The following CEP350 variants were observed in gnomAD, a reference collection of about 807,000 sequenced individuals.
CEP350 encodes centrosome-associated protein 350.
In CEP350, 126 loss-of-function variants were observed where a neutral mutation model predicts 331.8. That is an observed-to-expected ratio of 0.38 (90% CI 0.33 to 0.44). The LOEUF (loss-of-function observed/expected upper bound fraction) is 0.44, where lower values mean the gene tolerates loss of function less well. CEP350 is among the 20% of genes least tolerant of loss of function. The probability of loss-of-function intolerance (pLI) is 1.00; values close to 1 mark genes in which losing one functional copy is unlikely to be tolerated. For missense variants in CEP350, 3,406 were observed against 3,634.6 expected (o/e 0.94, Z 1.62); for synonymous variants, 1,200 against 1,259.5 (o/e 0.95, Z 1.00).
intron 37 of CEP350, among the ~76,000 whole-genome samples, chr1:180,101,326 C>A (rs1485040691): frequency 6.6e-6 from 1 of 151,832 alleles, no homozygotes; most frequent in Non-Finnish European, 1.5e-5. Flanking sequence ...GCTTCTTGAG[C>A]TAATTATTAA....
At chr1:179,978,448 G>A (rs1234910267) in intron 1 of CEP350, among the ~76,000 whole-genome samples, 1 of 152,056 alleles carries the variant, frequency 6.6e-6, no homozygotes, top group Admixed American at 6.6e-5. Context: ...CTCGTTAACT[G>A]TGGCCATTCT....
At chr1:179,961,971 G>T (rs1650659074) in intron 1 of CEP350, among the ~76,000 whole-genome samples, 1 of 151,750 alleles carries the variant, frequency 6.6e-6, no homozygotes, top group Non-Finnish European at 1.5e-5. Context: ...TCAGCCTCCC[G>T]AGTAGCTTGG....
Position 180,111,215 on chromosome 1 carries a change from G to T in CEP350, c.*54G>T. 1 of 1,588,316 alleles carries T rather than the reference G, an allele frequency of 6.3e-7. No homozygotes were observed. Among genetic ancestry groups the T allele is most frequent in the South Asian group, 1.1e-5 (1 of 87,560 alleles). Reference sequence around the variant, plus strand: ...GCTAATGTGAGTCCTGGGCCTTTCTGCCTCCTGATGTACACCCATCGCCAT... The same window carrying T: ...GCTAATGTGAGTCCTGGGCCTTTCTTCCTCCTGATGTACACCCATCGCCAT... On this transcript the variant is annotated 3_prime_UTR_variant, in exon 38 of 38. Coordinates refer to ENST00000367607, the MANE Select transcript of CEP350 (RefSeq NM_014810.5).
At chr1:180,080,781 G>C in intron 30 of CEP350, 120 bp downstream of exon 30, 1 of 815,128 alleles carries the variant, frequency 1.2e-6, no homozygotes, top group Non-Finnish European at 2.1e-6. Flanking sequence ...GTGAGTTTAT[G>C]TAGGATTGTG....
intron 6 of CEP350, among the ~76,000 whole-genome samples, chr1:180,001,649 A>G (rs912722737): frequency 3.1e-4 from 47 of 152,240 alleles, no homozygotes; most frequent in African/African-American, 1.1e-3. Flanking sequence ...TTGAAAAAGT[A>G]TGTTTGAAAG....
intron 15 of CEP350, among the ~76,000 whole-genome samples, chr1:180,033,186 A>G (rs1392694433): frequency 6.6e-6 from 1 of 152,184 alleles, no homozygotes; most frequent in African/African-American, 2.4e-5. Context: ...TACAAGAAAT[A>G]ATACCTTTAA....
At chr1:180,044,954 A>C (rs1418506325) in intron 21 of CEP350, among the ~76,000 whole-genome samples, 1 of 151,420 alleles carries the variant, frequency 6.6e-6, no homozygotes, top group Non-Finnish European at 1.5e-5. Context: ...AAGGAATTGC[A>C]CCTTAATTTA....
intron 33 of CEP350, 130 bp downstream of exon 33, chr1:180,090,926 T>TAAAATATA: frequency 2.7e-6 from 2 of 745,986 alleles, no homozygotes; most frequent in Non-Finnish European, 3.8e-6. Flanking sequence ...TTTAACATTT[T>TAAAATATA]AAAGTTACTT....
chr1:179,997,085 G>T lies in CEP350; in HGVS notation c.928G>T (p.Asp310Tyr). The T allele has an allele frequency of 6.2e-7, 1 of 1,613,966 alleles. No individual in the cohort carries two copies. The highest frequency in any genetic ancestry group is 1.1e-5 in the South Asian group (1 of 91,040). Reference sequence around the variant, plus strand: ...CCGGGGCCAGAAGCTGGGTCATATTGACCATCCAGTAATGGTTGTTAATGT... The same window carrying T: ...CCGGGGCCAGAAGCTGGGTCATATTTACCATCCAGTAATGGTTGTTAATGT... ...NGRGQKLGHI[D>Y]HPVMVVNVDN... is the part of the protein sequence containing the mutation. Residue 310 changes from aspartate to tyrosine, a missense_variant, in exon 6 of 38, where the codon GAC becomes TAC. This residue lies in a region of CEP350 where 1,857 missense variants were observed against 1,909.2 expected (regional missense o/e 0.97). Coordinates refer to ENST00000367607, the MANE Select transcript of CEP350 (RefSeq NM_014810.5).
chr1:180,063,235 G>A lies in CEP350; in HGVS notation c.5409+869G>A, dbSNP rs566830235. The stretch of plus-strand genomic sequence containing the variant: ...AGACACGGTCTCACTCTGTCACCTG[G>A]ACTGGAATAAAATGGTGCAATCACA... On this transcript the variant is annotated intron_variant, in intron 26 of 37. Transcript: ENST00000367607. Among the ~76,000 whole-genome samples, 4 of 142,372 alleles carry A rather than the reference G, an allele frequency of 2.8e-5. No individual in the cohort carries two copies. The South Asian group carries it at 8.8e-4, about 31-fold the overall frequency. 93.4% of individuals were successfully genotyped at this position (142,372 alleles called of 152,430 possible).
rs756855541 is a variant in CEP350 at position 180,006,689 on chromosome 1, A to G, written c.1246+122A>G. On this transcript the variant is annotated intron_variant, in intron 8 of 37. Coordinates refer to ENST00000367607, the MANE Select transcript of CEP350 (RefSeq NM_014810.5). Reference sequence around the variant, plus strand: ...TTGATACACAGGGTATACGTGTGCCATGGTGGTTTGCTGTACCCATTAACC... The same window carrying G: ...TTGATACACAGGGTATACGTGTGCCGTGGTGGTTTGCTGTACCCATTAACC... 4.8e-6 allele frequency: 3 copies of G among 620,364 alleles called. 1 individual carries two copies. The highest frequency in any genetic ancestry group is 5.6e-5 in the East Asian group (2 of 35,650). 38.4% of individuals were successfully genotyped at this position (620,364 alleles called of 1,614,324 possible). A position where few individuals can be genotyped will look rare whatever the true frequency, so the allele number is the denominator to read the frequency against.
chr1:180,101,217 A>G (rs1348387178), intron 37 of CEP350, among the ~76,000 whole-genome samples: 3 of 152,158 alleles, frequency 2.0e-5, no homozygotes, highest in Non-Finnish European at 2.9e-5. Flanking sequence ...TGCTGGTTGT[A>G]AAATATTTTT....
At chr1:180,049,917 A>G (rs1571922389) in intron 22 of CEP350, among the ~76,000 whole-genome samples, 1 of 152,218 alleles carries the variant, frequency 6.6e-6, no homozygotes, top group Non-Finnish European at 1.5e-5. Context: ...GGCCTCAGGC[A>G]TTGAATTGTG....
intron 25 of CEP350, among the ~76,000 whole-genome samples, chr1:180,056,395 GCTT>G (rs1657840510): frequency 6.6e-6 from 1 of 150,598 alleles, no homozygotes; most frequent in Non-Finnish European, 1.5e-5. Context: ...GATTTGCTGA[GCTT>G]CTTGTATTGG....
At chr1:180,001,813 A>G (rs895607958) in intron 6 of CEP350, among the ~76,000 whole-genome samples, 2 of 152,208 alleles carry the variant, frequency 1.3e-5, no homozygotes, top group African/African-American at 4.8e-5. Flanking sequence ...CTAAATCTGG[A>G]GAAGGGTAGT....
At chr1:180,084,437 T>C (rs1251004953) in intron 31 of CEP350, among the ~76,000 whole-genome samples, 1 of 152,182 alleles carries the variant, frequency 6.6e-6, no homozygotes, top group African/African-American at 2.4e-5. Context: ...CGATCTCTGC[T>C]CACTGCAAGA....
chr1:179,987,753 C>T (rs1411836515), intron 3 of CEP350, among the ~76,000 whole-genome samples: 2 of 151,304 alleles, frequency 1.3e-5, no homozygotes, highest in African/African-American at 4.9e-5. Flanking sequence ...ATGGCAAAGC[C>T]CTGTCTCTAC....
intron 5 of CEP350, among the ~76,000 whole-genome samples, chr1:179,995,073 G>A (rs906732381): frequency 1.3e-5 from 2 of 152,112 alleles, no homozygotes; most frequent in Admixed American, 6.5e-5. Flanking sequence ...ATTCCTAAAT[G>A]TTTAGAACCC....
intron 1 of CEP350, among the ~76,000 whole-genome samples, chr1:179,959,587 T>G (rs1650432971): frequency 1.3e-5 from 2 of 151,576 alleles, no homozygotes; most frequent in South Asian, 4.2e-4. Context: ...AAACCCCATC[T>G]CTACTAAAAG....
Sources: gnomAD v4.1 joint callset for allele counts (sites outside exome capture counted in the v4.1 genomes callset) on GRCh38, gnomAD v4.1.1 for gene constraint, gnomAD v4.1.1 regional missense constraint, MANE v1.5 for transcripts, NCBI Gene and HGNC (gene_info 2026-07-23, HGNC 2026-07-21) for gene names.